WDR43: variants seen among roughly 807,000 people sequenced by gnomAD.
WDR43 encodes the protein WD repeat domain 43.
In WDR43, 13 loss-of-function variants were observed where a neutral mutation model predicts 91.4. The ratio of observed to expected loss-of-function variants is 0.14; its 90% CI spans 0.09 to 0.23. The LOEUF (loss-of-function observed/expected upper bound fraction) is 0.23. WDR43 is among the 10% of genes least tolerant of loss of function. The pLI, the probability that WDR43 is intolerant of heterozygous loss-of-function variation, is 1.00. For synonymous variants in WDR43, 331 were observed against 287.9 expected (o/e 1.15, Z -1.51); for missense variants, 780 against 809.4 (o/e 0.96, Z 0.44).
chr2:28,914,531 G>A (rs1440850521), intron 5 of WDR43, among the ~76,000 whole-genome samples: 1 of 152,230 alleles, frequency 6.6e-6, no homozygotes, highest in African/African-American at 2.4e-5. Flanking sequence ...TAATGCAGTA[G>A]TGTCTGTTTA....
At chr2:28,909,995 C>G (rs1670758855) in intron 3 of WDR43, among the ~76,000 whole-genome samples, 2 of 146,766 alleles carry the variant, frequency 1.4e-5, no homozygotes, top group African/African-American at 5.0e-5. Flanking sequence ...TCCACTGGAA[C>G]CAGTTACATT....
chr2:28,905,649 A>C (rs1670664213), intron 2 of WDR43, among the ~76,000 whole-genome samples: 1 of 147,816 alleles, frequency 6.8e-6, no homozygotes. Flanking sequence ...CTAGCTGTTT[A>C]TCTCTCTCTT....
At chr2:28,918,847 G>A (rs974542703) in intron 6 of WDR43, among the ~76,000 whole-genome samples, 1 of 152,126 alleles carries the variant, frequency 6.6e-6, no homozygotes, top group Non-Finnish European at 1.5e-5. Flanking sequence ...AGAATCCCAC[G>A]TTTCTAATGC....
chr2:28,922,959 A>G lies in WDR43; in HGVS notation c.890A>G (p.His297Arg). Residue 297 changes from histidine (H) to arginine (R), a missense_variant, in exon 7 of 18, where the codon CAT (histidine) becomes CGT (arginine). His to Arg is a conservative substitution (Grantham distance 29, BLOSUM62 0). Transcript: ENST00000407426. Reference sequence around the variant, plus strand: ...GTTGTTTGCAGAGATGGTCAAGTCCATCTTTTTGAACACATATTAAATGGG... The same window carrying G: ...GTTGTTTGCAGAGATGGTCAAGTCCGTCTTTTTGAACACATATTAAATGGG... Reference protein sequence around the residue: ...LAVVCRDGQVHLFEHILNGYC... With the variant: ...LAVVCRDGQVRLFEHILNGYC... 1.2e-6 allele frequency: 2 copies of G among 1,611,150 alleles called. No homozygotes were observed. Among genetic ancestry groups the G allele is most frequent in the Non-Finnish European group, 1.7e-6 (2 of 1,179,280 alleles).
At chr2:28,939,878 C>A (rs1280525266) in intron 14 of WDR43, among the ~76,000 whole-genome samples, 1 of 151,968 alleles carries the variant, frequency 6.6e-6, no homozygotes, top group Admixed American at 6.6e-5. Context: ...GAGGCTGAGG[C>A]GGGTGGATCA....
intron 3 of WDR43, among the ~76,000 whole-genome samples, chr2:28,911,456 G>A (rs942466023): frequency 1.3e-5 from 2 of 151,964 alleles, no homozygotes; most frequent in African/African-American, 2.4e-5. Flanking sequence ...ATCATGCCTG[G>A]CTAATTTTTT....
In WDR43 at chr2:28,946,659, G is replaced by A. The variant is rs763214152; in HGVS notation, c.1914G>A (p.Glu638=). ...GTGAAAAAGATGAGGACGTTGAAGA[G>A]GAAGATGAGGATGCCGAAGGAAAAG... ...SESEKDEDVE[E]EDEDAEGKDE... is the part of the protein sequence containing the mutation. Residue 638 remains glutamate (E), a synonymous_variant, in exon 18 of 18, where the codon GAG becomes GAA. Transcript: ENST00000407426. The A allele has an allele frequency of 1.9e-6, 3 of 1,560,038 alleles. No individual in the cohort carries two copies. Among genetic ancestry groups the A allele is most frequent in the Non-Finnish European group, 2.6e-6 (3 of 1,151,420 alleles).
At chr2:28,900,552 A>C (rs922651431) in intron 1 of WDR43, among the ~76,000 whole-genome samples, 1 of 151,884 alleles carries the variant, frequency 6.6e-6, no homozygotes, top group Non-Finnish European at 1.5e-5. Flanking sequence ...ACTTCCCCCA[A>C]CTCTCCTTGC....
intron 1 of WDR43, chr2:28,895,310 CCT>C (rs1361137656): frequency 5.6e-6 from 1 of 179,792 alleles, no homozygotes; most frequent in East Asian, 1.5e-4. Flanking sequence ...ATCTAACTTT[CCT>C]CTGTCTGTGA....
chr2:28,894,709 G>T lies in WDR43; in HGVS notation c.11G>T (p.Gly4Val), dbSNP rs1454770536. 1.9e-6 allele frequency: 3 copies of T among 1,560,134 alleles called. No homozygotes were observed. The highest frequency in any genetic ancestry group is 1.9e-5 in the Admixed American group (1 of 51,722). Residue 4 changes from glycine to valine, a missense_variant, in exon 1 of 18, where the codon GGC (glycine) becomes GTC (valine). Physicochemically the swap from Gly to Val is moderately radical, Grantham distance 109. This residue lies in a region of WDR43 where 175 missense variants were observed against 113.8 expected (regional missense o/e 1.54). Coordinates refer to ENST00000407426, the MANE Select transcript of WDR43 (RefSeq NM_015131.3). MAA[G>V]GGGSCDPLAP... ...GGGGCCAGAGCAGCAATGGCGGCGG[G>T]CGGCGGCGGTAGCTGCGACCCCCTG... is the stretch of plus-strand genomic sequence containing the variant.
intron 3 of WDR43, among the ~76,000 whole-genome samples, chr2:28,910,279 A>G: frequency 6.6e-6 from 1 of 152,338 alleles, no homozygotes; most frequent in Non-Finnish European, 1.5e-5. Flanking sequence ...AGCCTCGTCT[A>G]GGCAGGATGG....
chr2:28,947,653 A>T lies in WDR43; in HGVS notation c.*874A>T, dbSNP rs2148203707. The T allele has an allele frequency of 6.6e-6, 1 of 152,144 alleles. No homozygotes were observed. Among genetic ancestry groups the T allele is most frequent in the African/African-American group, 2.4e-5 (1 of 41,548 alleles). The allele number at this position is 152,144 out of a possible 1,614,324, so 9.4% of individuals were successfully genotyped here. A position where few individuals can be genotyped will look rare whatever the true frequency, so the allele number is the denominator to read the frequency against. ...TTGTTTATTTTTTCTCTTTGGTTTTAGATATTAATGATAACCTTGTTGGAA... is the reference window on the plus strand; with the variant it reads ...TTGTTTATTTTTTCTCTTTGGTTTTTGATATTAATGATAACCTTGTTGGAA... On this transcript the variant is annotated 3_prime_UTR_variant, in exon 18 of 18. Transcript: ENST00000407426.
chr2:28,909,732 G>T (rs563569004), intron 3 of WDR43, among the ~76,000 whole-genome samples: 10 of 152,218 alleles, frequency 6.6e-5, no homozygotes, highest in Admixed American at 1.3e-4. Flanking sequence ...AAATTAGCCA[G>T]ATGTGGTGGT....
chr2:28,910,246 G>A lies in WDR43; in HGVS notation c.486-2344G>A, dbSNP rs574620500. The stretch of plus-strand genomic sequence containing the variant: ...ACTAGCATTTTCAATACTGAGTGGG[G>A]AAGTAGATGAAGGAAGCTTATCAGC... On this transcript the variant is annotated intron_variant, in intron 3 of 17. Coordinates refer to ENST00000407426, the MANE Select transcript of WDR43 (RefSeq NM_015131.3). 2.0e-5 allele frequency among the ~76,000 whole-genome samples: 3 copies of A among 152,318 alleles called. No homozygotes were observed. The East Asian group carries it at 5.8e-4, about 29-fold the overall frequency.
At chr2:28,919,378 A>C (rs1670977667) in intron 6 of WDR43, among the ~76,000 whole-genome samples, 1 of 152,186 alleles carries the variant, frequency 6.6e-6, no homozygotes, top group Admixed American at 6.5e-5. Flanking sequence ...CTTTAAGAAA[A>C]GTAGTAGGGG....
In WDR43 at chr2:28,909,379, C is replaced by T. The variant is rs552345834; in HGVS notation, c.485+2798C>T. ...AACTCCTGACCTCAGGTGATCCACC[C>T]GCCTCGGCCTCCCAAAGTGCTGGGA... On this transcript the variant is annotated intron_variant, in intron 3 of 17. Transcript: ENST00000407426. Among the ~76,000 whole-genome samples the T allele has an allele frequency of 5.3e-5, 8 of 152,228 alleles. No individual in the cohort carries two copies. The South Asian group carries it at 1.7e-3, about 32-fold the overall frequency.
At chr2:28,919,094 C>A (rs374429551) in intron 6 of WDR43, among the ~76,000 whole-genome samples, 109 of 152,066 alleles carry the variant, frequency 7.2e-4, no homozygotes, top group African/African-American at 2.5e-3. Flanking sequence ...CCTGTCTCTA[C>A]AAAAAATAAA....
At chr2:28,915,095 A>G (rs559390558) in intron 5 of WDR43, among the ~76,000 whole-genome samples, 2 of 152,260 alleles carry the variant, frequency 1.3e-5, no homozygotes, top group South Asian at 2.1e-4. Context: ...TCTTCACCAT[A>G]TAAAGTTACT....
Position 28,946,846 on chromosome 2 carries a change from C to G in WDR43, c.*67C>G, listed in dbSNP as rs1671552606. Reference sequence around the variant, plus strand: ...CACCTTGCCCAGTGGTGAGGGCTGCCTCTGTGCCAGGATGCCAAGGACCGC... The same window carrying G: ...CACCTTGCCCAGTGGTGAGGGCTGCGTCTGTGCCAGGATGCCAAGGACCGC... On this transcript the variant is annotated 3_prime_UTR_variant, in exon 18 of 18. Coordinates refer to ENST00000407426, the MANE Select transcript of WDR43 (RefSeq NM_015131.3). 1 of 1,462,330 alleles carries G rather than the reference C, an allele frequency of 6.8e-7. No individual in the cohort carries two copies. The highest frequency in any genetic ancestry group is 1.4e-5 in the South Asian group (1 of 69,400). The allele number at this position is 1,462,330 out of a possible 1,614,324, so 90.6% of individuals were successfully genotyped here.
Sources: allele counts gnomAD v4.1 joint callset (sites outside exome capture counted in the v4.1 genomes callset), GRCh38; gene constraint gnomAD v4.1.1; regional missense constraint gnomAD v4.1.1; transcripts MANE v1.5; gene names NCBI Gene and HGNC (gene_info 2026-07-23, HGNC 2026-07-21).